The following TEX11 variants were observed in gnomAD, a reference collection of about 807,000 sequenced individuals.
TEX11 encodes testis-expressed protein 11.
A neutral mutation model predicts 84.4 loss-of-function variants in TEX11; 7 were observed. The ratio of observed to expected loss-of-function variants is 0.08; its 90% CI spans 0.05 to 0.16. TEX11 has a LOEUF of 0.16. TEX11 is among the 10% of genes least tolerant of loss of function. The pLI is 1.00. For missense variants in TEX11, 551 were observed against 660.5 expected, an observed-to-expected ratio of 0.83 and a Z score of 1.82; for synonymous variants, 264 against 222.8, an observed-to-expected ratio of 1.18 and a Z score of -1.64.
At chrX:70,569,484 G>C (rs1020937511) in intron 25 of TEX11, among the ~76,000 whole-genome samples, 3 of 111,636 alleles carry the variant, frequency 2.7e-5, no homozygotes, top group Non-Finnish European at 5.6e-5. Context: ...GAGACGCTCT[G>C]ATTTTTAGAG....
chrX:70,732,443 T>C (rs1395247364), intron 11 of TEX11, among the ~76,000 whole-genome samples: 1 of 111,831 alleles, frequency 8.9e-6, no homozygotes, highest in East Asian at 2.8e-4. Flanking sequence ...GATAAGCAAC[T>C]TCAGCAAAGT....
chrX:70,823,844 T>TAA (rs113226372), intron 8 of TEX11, among the ~76,000 whole-genome samples: 6 of 105,348 alleles, frequency 5.7e-5, no homozygotes, highest in South Asian at 4.2e-4. Flanking sequence ...CTGTCTCTAC[T>TAA]AAAAAAAAAA....
At chrX:70,762,268 A>G (rs893520019) in intron 9 of TEX11, among the ~76,000 whole-genome samples, 5 of 112,380 alleles carry the variant, frequency 4.4e-5, no homozygotes, top group Non-Finnish European at 9.4e-5. Flanking sequence ...GAATATTATG[A>G]CACTGTAACT....
chrX:70,820,573 G>A (rs1262078675), intron 8 of TEX11, among the ~76,000 whole-genome samples: 1 of 111,915 alleles, frequency 8.9e-6, no homozygotes, highest in Non-Finnish European at 1.9e-5. Flanking sequence ...AGGGCCTCAG[G>A]AAGCTTATAA....
intron 8 of TEX11, among the ~76,000 whole-genome samples, chrX:70,832,102 C>T (rs748162582): frequency 1.1e-3 from 123 of 111,448 alleles, no homozygotes; most frequent in Middle Eastern, 9.2e-3. Flanking sequence ...CTGTATACCA[C>T]CCAATAGGAA....
At chrX:70,627,691 C>T in intron 18 of TEX11, among the ~76,000 whole-genome samples, 1 of 111,704 alleles carries the variant, frequency 9.0e-6, no homozygotes. Flanking sequence ...ACTCTCACTA[C>T]CCTTGTCTAG....
chrX:70,856,316 T>G (rs1197219114), intron 5 of TEX11, among the ~76,000 whole-genome samples: 1 of 111,241 alleles, frequency 9.0e-6, no homozygotes, highest in East Asian at 2.8e-4. Context: ...AATGGCGGAA[T>G]GAGGGGAGAT....
At chrX:70,788,953 TATATATATATATATATATATAGAG>T (rs1329250728) in intron 9 of TEX11, among the ~76,000 whole-genome samples, 3 of 40,169 alleles carry the variant, frequency 7.5e-5, no homozygotes, top group East Asian at 8.5e-4. Flanking sequence ...TATATATATA[TATATATATATATATATATATAGAG>T]AGAGAGAGAG....
intron 20 of TEX11, among the ~76,000 whole-genome samples, 198 bp downstream of exon 20, chrX:70,623,752 C>G (rs2089420630): frequency 9.7e-6 from 1 of 102,566 alleles, no homozygotes; most frequent in South Asian, 4.1e-4. Context: ...GAAACTGAAG[C>G]CCAGAGACAT....
chrX:70,661,951 A>C (rs2089932721), intron 16 of TEX11, among the ~76,000 whole-genome samples: 1 of 112,055 alleles, frequency 8.9e-6, no homozygotes, highest in African/African-American at 3.2e-5. Context: ...AATTCTAAAA[A>C]TCAGATTGCC....
chrX:70,612,603 A>G (rs1332905829), intron 20 of TEX11, among the ~76,000 whole-genome samples: 1 of 111,151 alleles, frequency 9.0e-6, no homozygotes, highest in Non-Finnish European at 1.9e-5. Flanking sequence ...CCTTGAGGGT[A>G]TATAAACAGA....
intron 22 of TEX11, among the ~76,000 whole-genome samples, chrX:70,608,451 A>G (rs2089219600): frequency 8.9e-6 from 1 of 112,311 alleles, no homozygotes; most frequent in African/African-American, 3.2e-5. Context: ...AAATAAATTA[A>G]GTATTCTAGG....
rs775098071 is a variant in TEX11 at position 70,744,176 on chromosome X, G to A, written c.736C>T (p.Pro246Ser). The change falls in exon 10 of 30, where the codon CCA becomes TCA. Residue 246 changes from proline (P) to serine (S), a missense_variant. Pro to Ser is a moderately conservative substitution (Grantham distance 74). Coordinates refer to ENST00000374333, the MANE Select transcript of TEX11 (RefSeq NM_031276.3). Reference sequence around the variant, plus strand: ...AACATGATCCTTACCAGCATTTCTGGCCCAGTAGATTTCTTATCCATCTTC... The same window carrying A: ...AACATGATCCTTACCAGCATTTCTGACCCAGTAGATTTCTTATCCATCTTC... The part of the protein sequence containing the change: ...IGKMDKKSTG[P>S]EMLAKVLRLL... The A allele has an allele frequency of 3.1e-5, 32 of 1,045,875 alleles. No individual in the cohort carries two copies. The South Asian group carries it at 9.7e-4, about 32-fold the overall frequency. 86.2% of individuals were successfully genotyped at this position (1,045,875 alleles called of 1,213,427 possible).
At chrX:70,686,528 G>A (rs1314929889) in intron 13 of TEX11, among the ~76,000 whole-genome samples, 1 of 110,580 alleles carries the variant, frequency 9.0e-6, no homozygotes, top group Admixed American at 9.7e-5. Flanking sequence ...ACACTCTGGA[G>A]CCTGTCGGGA....
At chrX:70,690,783 A>G (rs1046430630) in intron 13 of TEX11, among the ~76,000 whole-genome samples, 6 of 111,851 alleles carry the variant, frequency 5.4e-5, no homozygotes, top group Non-Finnish European at 1.1e-4. Flanking sequence ...AAGCTGTAAC[A>G]CATCAATAAT....
Position 70,580,868 on chromosome X carries a change from T to C in TEX11, c.2140+10883A>G, listed in dbSNP as rs759955059. Among the ~76,000 whole-genome samples, 3 of 112,679 alleles carry C rather than the reference T, an allele frequency of 2.7e-5. No individual in the cohort carries two copies. In the East Asian group the frequency reaches 8.3e-4, roughly 31 times the overall value. On this transcript the variant is annotated intron_variant, in intron 25 of 29. Transcript: ENST00000374333. Reference sequence around the variant, plus strand: ...ATTCTGTGGTATGTTAGATTTAAGATAATCTAATTAACTTAAACACTGGTT... The same window carrying C: ...ATTCTGTGGTATGTTAGATTTAAGACAATCTAATTAACTTAAACACTGGTT...
At chrX:70,579,519 CAAA>C (rs763815527) in intron 25 of TEX11, among the ~76,000 whole-genome samples, 1 of 9,022 alleles carries the variant, frequency 1.1e-4, no homozygotes, top group African/African-American at 3.0e-4. Flanking sequence ...ACAAAAAAAA[CAAA>C]AAAAAAAAAA....
intron 13 of TEX11, among the ~76,000 whole-genome samples, chrX:70,693,338 T>C (rs868775805): frequency 2.7e-5 from 3 of 112,146 alleles, no homozygotes; most frequent in African/African-American, 9.7e-5. Context: ...TGATATCTCA[T>C]GTGGTTTTGA....
At chrX:70,807,059 T>C (rs748283000) in intron 8 of TEX11, among the ~76,000 whole-genome samples, 9 of 112,558 alleles carry the variant, frequency 8.0e-5, no homozygotes, top group Middle Eastern at 9.1e-3. Flanking sequence ...GAAAAAGTAT[T>C]ACAATAAATT....
Sources: allele counts gnomAD v4.1 joint callset (sites outside exome capture counted in the v4.1 genomes callset), GRCh38; gene constraint gnomAD v4.1.1; transcripts MANE v1.5; gene names NCBI Gene and HGNC (gene_info 2026-07-23, HGNC 2026-07-21).